NAV1: variants seen among roughly 807,000 people sequenced by gnomAD.
NAV1 encodes pore membrane and/or filament interacting like protein 3.
In NAV1, 18 loss-of-function variants were observed where a neutral mutation model predicts 175.2. That is an observed-to-expected ratio of 0.10 (90% confidence interval 0.07 to 0.15). The LOEUF (loss-of-function observed/expected upper bound fraction) is 0.15. Ranked by LOEUF, NAV1 falls within the 10% of genes least tolerant of loss-of-function variation. The probability of loss-of-function intolerance (pLI) is 1.00; values close to 1 mark genes in which losing one functional copy is unlikely to be tolerated. For missense variants in NAV1, 1,731 were observed against 2,436.6 expected, an observed-to-expected ratio of 0.71 and a Z score of 6.10; for synonymous variants, 897 against 978.7, an observed-to-expected ratio of 0.92 and a Z score of 1.56.
At chr1:201,686,552 T>C (rs775267521) in intron 1 of NAV1, among the ~76,000 whole-genome samples, 1 of 152,252 alleles carries the variant, frequency 6.6e-6, no homozygotes, top group Non-Finnish European at 1.5e-5. Flanking sequence ...GTCTCTAGTG[T>C]GTCCCAGACA....
chr1:201,774,610 G>A (rs1675816025), intron 3 of NAV1, among the ~76,000 whole-genome samples: 1 of 152,014 alleles, frequency 6.6e-6, no homozygotes. Flanking sequence ...GGGCAACATA[G>A]CAAGACCCCA....
intron 3 of NAV1, chr1:201,733,390 A>G (rs1178245466): frequency 6.6e-6 from 1 of 152,226 alleles, no homozygotes; most frequent in African/African-American, 2.4e-5. Context: ...AAAAAAGAAA[A>G]AAGAAAGTAA....
rs1454371584 is a variant in NAV1, at chr1:201,786,813, G to T, written c.2995+236G>T. On this transcript the variant is annotated intron_variant, in intron 9 of 29. Transcript: ENST00000367296. Reference sequence around the variant, plus strand: ...TGTAGGGTCCTTTTAGCATCAGAGAGCCTGAATGGTGGCATGGAAAAGCTG... The same window carrying T: ...TGTAGGGTCCTTTTAGCATCAGAGATCCTGAATGGTGGCATGGAAAAGCTG... Among the ~76,000 whole-genome samples, 5 of 152,172 alleles carry T rather than the reference G, an allele frequency of 3.3e-5. No homozygotes were observed. The East Asian group carries it at 5.8e-4, about 18-fold the overall frequency.
intron 2 of NAV1, among the ~76,000 whole-genome samples, chr1:201,591,477 G>C (rs1667192300): frequency 6.6e-6 from 1 of 152,194 alleles, no homozygotes; most frequent in African/African-American, 2.4e-5. Context: ...CTCCCAGCCA[G>C]GTATTGTCCT....
chr1:201,607,784 A>G (rs1423471951), intron 2 of NAV1, among the ~76,000 whole-genome samples: 1 of 152,152 alleles, frequency 6.6e-6, no homozygotes, highest in African/African-American at 2.4e-5. Context: ...GAGTCACTGC[A>G]CCTGGCCTGA....
At chr1:201,648,639 C>T in exon 1 of NAV1, 1 of 1,302,214 alleles carries the variant, frequency 7.7e-7, no homozygotes, top group South Asian at 2.5e-5. Flanking sequence ...TGCAGACGCG[C>T]GGATCGTCCA....
chr1:201,822,593 GGTT>G (rs1679450401), exon 30 of NAV1: 1 of 152,606 alleles, frequency 6.6e-6, no homozygotes, highest in Non-Finnish European at 1.5e-5. Context: ...ATCCTCAGCA[GGTT>G]GATTCTGGAG....
chr1:201,681,609 A>G (rs1444038451), intron 1 of NAV1, among the ~76,000 whole-genome samples: 1 of 152,260 alleles, frequency 6.6e-6, no homozygotes, highest in South Asian at 2.1e-4. Context: ...GTCTTGGATT[A>G]AGCAATATCC....
At chr1:201,603,821 G>T (rs1178644190) in intron 2 of NAV1, among the ~76,000 whole-genome samples, 1 of 152,182 alleles carries the variant, frequency 6.6e-6, no homozygotes, top group Non-Finnish European at 1.5e-5. Flanking sequence ...GCATTACTCT[G>T]GATGGAAGCC....
intron 3 of NAV1, among the ~76,000 whole-genome samples, chr1:201,726,801 T>C (rs112442647): frequency 0.04 from 6,126 of 152,300 alleles, 164 homozygotes; most frequent in Non-Finnish European, 0.056. Context: ...ATTTGGGCTT[T>C]GACTTAGGTT....
At chr1:201,797,131 G>T (rs1052608933) in intron 15 of NAV1, 1 of 151,920 alleles carries the variant, frequency 6.6e-6, no homozygotes, top group African/African-American at 2.4e-5. Context: ...TTAGGTCTTT[G>T]TTCCATTTTT....
At chr1:201,712,730 G>A (rs1238763954) in intron 1 of NAV1, 87 bp from the exon 6 acceptor site, 3 of 906,458 alleles carry the variant, frequency 3.3e-6, no homozygotes, top group Non-Finnish European at 5.5e-6. Flanking sequence ...GCCTCCTGGG[G>A]ACACTGTCAA....
chr1:201,695,631 C>G (rs1040813209), intron 1 of NAV1, among the ~76,000 whole-genome samples: 2 of 152,222 alleles, frequency 1.3e-5, no homozygotes, highest in African/African-American at 4.8e-5. Context: ...TCCGAAGGTG[C>G]CTGGTGACTG....
In NAV1 at chr1:201,812,888, G is replaced by GA. The variant is rs1678781872; in HGVS notation, c.5221+233dup. On this transcript the variant is annotated intron_variant, in intron 27 of 29. Coordinates refer to ENST00000367296, the Ensembl canonical transcript of NAV1. This position sits in a 1 kb window ranked among gnomAD's most constrained non-coding sequence, Gnocchi z 4.6. Reference sequence around the variant, plus strand: ...CCTTGTTTTTTTCCCACAATTAACAGAAAAAAGGAGGCACATATGTAGGAA... The same window carrying GA: ...CCTTGTTTTTTTCCCACAATTAACAGAAAAAAAGGAGGCACATATGTAGGAA... Among the ~76,000 whole-genome samples the GA allele has an allele frequency of 6.6e-6, 1 of 152,050 alleles. No homozygotes were observed. The highest frequency in any genetic ancestry group is 2.4e-5 in the African/African-American group (1 of 41,398).
intron 2 of NAV1, among the ~76,000 whole-genome samples, chr1:201,591,695 C>G (rs1667200559): frequency 6.6e-6 from 1 of 152,166 alleles, no homozygotes; most frequent in Admixed American, 6.5e-5. Flanking sequence ...TCCTTCTGGC[C>G]TGTGAATTGC....
At chr1:201,540,470 C>A (rs1665480740) in intron 1 of NAV1, among the ~76,000 whole-genome samples, 1 of 152,188 alleles carries the variant, frequency 6.6e-6, no homozygotes, top group Non-Finnish European at 1.5e-5. Flanking sequence ...CTCTTGTTCC[C>A]CCTACATGAA....
At chr1:201,731,705 T>C (rs1424499471) in intron 3 of NAV1, among the ~76,000 whole-genome samples, 1 of 152,200 alleles carries the variant, frequency 6.6e-6, no homozygotes, top group African/African-American at 2.4e-5. Flanking sequence ...CCCTGTGGGT[T>C]TGATGACAAA....
At chr1:201,555,166 A>G (rs923700366) in intron 1 of NAV1, among the ~76,000 whole-genome samples, 3 of 152,214 alleles carry the variant, frequency 2.0e-5, no homozygotes, top group African/African-American at 7.2e-5. Flanking sequence ...ATTTCCAAAT[A>G]AGGTCACATT....
At chr1:201,607,554 C>T (rs1171867871) in intron 2 of NAV1, among the ~76,000 whole-genome samples, 6 of 151,842 alleles carry the variant, frequency 4.0e-5, no homozygotes, top group African/African-American at 9.7e-5. Context: ...TTCAGTGGCA[C>T]GATCTCGGCT....
Sources: gnomAD v4.1 joint callset for allele counts (sites outside exome capture counted in the v4.1 genomes callset) on GRCh38, gnomAD v4.1.1 for gene constraint, Gnocchi (gnomAD v3.1) non-coding constraint, MANE v1.5 for transcripts, NCBI Gene and HGNC (gene_info 2026-07-23, HGNC 2026-07-21) for gene names.